ZNF131: variants seen among roughly 807,000 people sequenced by gnomAD.
The protein encoded by ZNF131 is zinc finger protein 131.
ZNF131 carries 7 observed loss-of-function variants against 60.0 expected under a neutral mutation model. The ratio of observed to expected loss-of-function variants is 0.12; its 90% CI spans 0.07 to 0.22. The LOEUF (loss-of-function observed/expected upper bound fraction) is 0.22. ZNF131 is among the 10% of genes least tolerant of loss of function. The pLI, the probability that ZNF131 is intolerant of heterozygous loss-of-function variation, is 1.00. For synonymous variants in ZNF131, 257 were observed against 253.2 expected, an observed-to-expected ratio of 1.01 and a Z score of -0.14; for missense variants, 493 against 740.9, an observed-to-expected ratio of 0.67 and a Z score of 3.88.
chr5:43,165,249 C>T (rs1012263761), intron 5 of ZNF131, among the ~76,000 whole-genome samples: 8 of 150,370 alleles, frequency 5.3e-5, no homozygotes, highest in African/African-American at 2.0e-4. Flanking sequence ...TTCATTTTCT[C>T]GCAGTTCTAG....
Position 43,123,329 on chromosome 5 carries a change from T to G in ZNF131, c.226+19T>G. ...ATAGAAGGTAAATGATTCTTGTTGT[T>G]TTTTTATTTAATAAATCAAAGAAGC... On this transcript the variant is annotated intron_variant, in intron 3 of 6. Transcript: ENST00000682664. 6.4e-7 allele frequency: 1 copy of G among 1,568,428 alleles called. No homozygotes were observed. The highest frequency in any genetic ancestry group is 1.2e-5 in the South Asian group (1 of 84,812).
intron 3 of ZNF131, among the ~76,000 whole-genome samples, chr5:43,133,012 T>A (rs1455756352): frequency 6.6e-6 from 1 of 152,210 alleles, no homozygotes; most frequent in African/African-American, 2.4e-5. Context: ...ATGTTAAATG[T>A]AGGTTTTCTT....
intron 4 of ZNF131, among the ~76,000 whole-genome samples, chr5:43,149,175 G>A (rs10075491): frequency 4.6e-5 from 7 of 152,096 alleles, no homozygotes; most frequent in Admixed American, 2.0e-4. Context: ...GGAGGCTGAG[G>A]GGGGAGAATC....
rs1231993484 is a variant in ZNF131 at position 43,175,076 on chromosome 5, T to C, written c.1815T>C (p.Asp605=). 6.2e-7 allele frequency: 1 copy of C among 1,614,048 alleles called. No individual in the cohort carries two copies. The highest frequency in any genetic ancestry group is 1.3e-5 in the African/African-American group (1 of 74,916). ...AEDLETKPTV[D]SEAEKAENED... Reference sequence around the variant, plus strand: ...ATTTAGAGACCAAGCCAACAGTGGATTCTGAAGCAGAAAAGGCAGAGAATG... The same window carrying C: ...ATTTAGAGACCAAGCCAACAGTGGACTCTGAAGCAGAAAAGGCAGAGAATG... Residue 605 remains aspartate (D), a synonymous_variant, in exon 7 of 7, where the codon GAT becomes GAC. Transcript: ENST00000682664.
At chr5:43,140,319 T>C (rs919620599) in intron 4 of ZNF131, among the ~76,000 whole-genome samples, 23 of 152,192 alleles carry the variant, frequency 1.5e-4, no homozygotes, top group African/African-American at 5.3e-4. Flanking sequence ...TTACTAAGAA[T>C]AAGAGCTCAG....
intron 4 of ZNF131, among the ~76,000 whole-genome samples, chr5:43,160,559 T>G (rs893820678): frequency 1.3e-4 from 20 of 152,180 alleles, no homozygotes; most frequent in African/African-American, 4.6e-4. Context: ...AATTCTTAAA[T>G]TTAGGTCTGT....
At chr5:43,152,204 C>T (rs1006803715) in intron 4 of ZNF131, among the ~76,000 whole-genome samples, 2 of 151,720 alleles carry the variant, frequency 1.3e-5, no homozygotes, top group Non-Finnish European at 2.9e-5. Flanking sequence ...AGTTTCACCA[C>T]GTTGGCCAGG....
At chr5:43,145,232 C>G (rs1232710486) in intron 4 of ZNF131, among the ~76,000 whole-genome samples, 1 of 152,028 alleles carries the variant, frequency 6.6e-6, no homozygotes, top group Non-Finnish European at 1.5e-5. Flanking sequence ...CTGGCTTATC[C>G]CACTCTGCAA....
At chr5:43,134,634 T>A (rs1057427134) in intron 3 of ZNF131, among the ~76,000 whole-genome samples, 3 of 151,758 alleles carry the variant, frequency 2.0e-5, no homozygotes, top group Middle Eastern at 3.2e-3. Context: ...AACTAATAAA[T>A]TTAGTAAAGT....
At chr5:43,147,056 C>CT (rs1747677734) in intron 4 of ZNF131, among the ~76,000 whole-genome samples, 1 of 152,110 alleles carries the variant, frequency 6.6e-6, no homozygotes, top group South Asian at 2.1e-4. Context: ...ATTTTTATCA[C>CT]TAGTTTTTCT....
intron 3 of ZNF131, among the ~76,000 whole-genome samples, chr5:43,137,920 A>G (rs749490773): frequency 6.6e-5 from 10 of 152,232 alleles, no homozygotes; most frequent in Non-Finnish European, 1.5e-4. Context: ...TGCATATGCA[A>G]CCACATGGAT....
chr5:43,161,454 G>T lies in ZNF131; in HGVS notation c.577G>T (p.Ala193Ser). The change falls in exon 5 of 7, where the codon GCC becomes TCC. Residue 193 changes from alanine to serine, a missense_variant. Physicochemically the swap from Ala to Ser is moderately conservative, Grantham distance 99. Around this residue, in one of 7 missense-constraint regions of ZNF131, gnomAD observed 138 missense variants for 158.7 expected, o/e 0.87. Coordinates refer to ENST00000682664, the MANE Select transcript of ZNF131 (RefSeq NM_001330707.2). ...CGAAACATTAGAGGAAGTGGCTTCT[G>T]CCAAGCAGTCCGTAAAGTACATACA... ...GIETLEEVASAKQSVKYIQST... is the reference protein window; with the variant it reads ...GIETLEEVASSKQSVKYIQST... The T allele has an allele frequency of 6.2e-7, 1 of 1,614,250 alleles. No individual in the cohort carries two copies. Among genetic ancestry groups the T allele is most frequent in the Non-Finnish European group, 8.5e-7 (1 of 1,180,034 alleles).
At chr5:43,162,987 T>TTTG (rs1243576255) in intron 5 of ZNF131, among the ~76,000 whole-genome samples, 1 of 138,906 alleles carries the variant, frequency 7.2e-6, no homozygotes, top group African/African-American at 2.6e-5. Context: ...TTTTTTTTTT[T>TTTG]GGCAGATGGA....
chr5:43,170,465 G>A (rs6864955), intron 5 of ZNF131, among the ~76,000 whole-genome samples: 99,090 of 151,946 alleles, frequency 0.65, 32,931 homozygotes, highest in East Asian at 0.84. Flanking sequence ...ACTGCTGGAG[G>A]AAATTCATAT....
chr5:43,166,281 G>A (rs1205141779), intron 5 of ZNF131, among the ~76,000 whole-genome samples: 2 of 152,014 alleles, frequency 1.3e-5, no homozygotes, highest in East Asian at 1.9e-4. Flanking sequence ...CCTGGCTTTC[G>A]GCCTGTCTCG....
intron 1 of ZNF131, chr5:43,121,812 C>T (rs1221414854): frequency 1.4e-5 from 5 of 352,904 alleles, no homozygotes; most frequent in Middle Eastern, 7.8e-4. Flanking sequence ...TAGCTCGCGT[C>T]TCCCGACTCC....
At chr5:43,169,418 T>G (rs1750715748) in intron 5 of ZNF131, among the ~76,000 whole-genome samples, 2 of 152,238 alleles carry the variant, frequency 1.3e-5, no homozygotes, top group African/African-American at 4.8e-5. Flanking sequence ...TCTCTTGAAG[T>G]AACTACTGCT....
At chr5:43,169,662 T>A (rs1433351658) in intron 5 of ZNF131, among the ~76,000 whole-genome samples, 3 of 152,224 alleles carry the variant, frequency 2.0e-5, no homozygotes, top group African/African-American at 7.2e-5. Flanking sequence ...TGATGAACAT[T>A]TAGGTTGTTG....
intron 3 of ZNF131, among the ~76,000 whole-genome samples, chr5:43,135,109 C>G (rs1745903047): frequency 6.6e-6 from 1 of 151,934 alleles, no homozygotes; most frequent in Non-Finnish European, 1.5e-5. Context: ...AGCAACTCTC[C>G]TGCCTCAGCC....
Sources: gnomAD v4.1 joint callset for allele counts (sites outside exome capture counted in the v4.1 genomes callset) on GRCh38, gnomAD v4.1.1 for gene constraint, gnomAD v4.1.1 regional missense constraint, MANE v1.5 for transcripts, NCBI Gene and HGNC (gene_info 2026-07-23, HGNC 2026-07-21) for gene names.